ERI1: variants seen among roughly 807,000 people sequenced by gnomAD.
ERI1 encodes exoribonuclease 1.
In ERI1, 39 loss-of-function variants were observed where a neutral mutation model predicts 39.7. The ratio of observed to expected loss-of-function variants is 0.98; its 90% CI spans 0.76 to 1.28. The LOEUF is 1.28. ERI1 is among the 50% of genes most tolerant of loss of function. ERI1 has a pLI of 0.00. For missense variants in ERI1, 581 were observed against 416.9 expected (o/e 1.39, Z -3.43); for synonymous variants, 204 against 149.6 (o/e 1.36, Z -2.65).
intron 3 of ERI1, among the ~76,000 whole-genome samples, chr8:9,083,824 C>T (rs762844295): frequency 9.2e-5 from 14 of 151,816 alleles, no homozygotes; most frequent in East Asian, 2.0e-4. Flanking sequence ...GACAGAGTCT[C>T]GCTCTGTAGC....
At chr8:9,071,606 C>T (rs1799052980) in intron 3 of ERI1, among the ~76,000 whole-genome samples, 1 of 152,240 alleles carries the variant, frequency 6.6e-6, no homozygotes, top group Non-Finnish European at 1.5e-5. Context: ...ATAATTGACT[C>T]CTTTAACTTG....
At chr8:9,060,826 C>G (rs1455061579) in intron 3 of ERI1, among the ~76,000 whole-genome samples, 1 of 152,200 alleles carries the variant, frequency 6.6e-6, no homozygotes, top group East Asian at 1.9e-4. Flanking sequence ...GCAACGGGAT[C>G]TGATGCGTTT....
intron 3 of ERI1, among the ~76,000 whole-genome samples, chr8:9,060,256 C>T (rs1436788056): frequency 6.6e-6 from 1 of 152,120 alleles, no homozygotes; most frequent in Non-Finnish European, 1.5e-5. Context: ...TTATGTCTGA[C>T]AGAAGGGAAG....
intron 2 of ERI1, among the ~76,000 whole-genome samples, chr8:9,009,745 G>T (rs1232535980): frequency 6.6e-6 from 1 of 152,112 alleles, no homozygotes; most frequent in African/African-American, 2.4e-5. Context: ...TCTCCATGTT[G>T]CCCAGGCTGG....
intron 3 of ERI1, chr8:9,048,577 C>G (rs1320826691): frequency 6.5e-6 from 1 of 153,680 alleles, no homozygotes; most frequent in East Asian, 1.9e-4. Context: ...CAGATAACAG[C>G]TGATGTGTGA....
rs1486384528 is a variant in ERI1, at chr8:9,031,132, G to A, written c.*1098G>A. ...AATTTTTCTCCTTGTAGCTTTCAGG[G>A]AACAATTTCATTGACATTGCTTGCT... On this transcript the variant is annotated 3_prime_UTR_variant, in exon 7 of 7. Transcript: ENST00000250263. 1.3e-5 allele frequency: 2 copies of A among 152,034 alleles called. No homozygotes were observed. Among genetic ancestry groups the A allele is most frequent in the Non-Finnish European group, 2.9e-5 (2 of 67,984 alleles). 9.4% of individuals were successfully genotyped at this position (152,034 alleles called of 1,614,324 possible). A position where few individuals can be genotyped will look rare whatever the true frequency, so the allele number is the denominator to read the frequency against.
At chr8:9,034,195 G>C (rs1797762755), downstream of ERI1, among the ~76,000 whole-genome samples, 2 of 152,246 alleles carry the variant, frequency 1.3e-5, no homozygotes, top group African/African-American at 4.8e-5. Context: ...GATGCCCGAG[G>C]CTTTAAACCA....
At chr8:9,037,567 A>T (rs1216734141), downstream of ERI1, among the ~76,000 whole-genome samples, 1 of 151,936 alleles carries the variant, frequency 6.6e-6, no homozygotes, top group East Asian at 1.9e-4. Context: ...CTTGTATCTC[A>T]AGAACCTAAG....
chr8:9,056,705 A>G (rs893465941), intron 3 of ERI1, among the ~76,000 whole-genome samples: 2 of 152,216 alleles, frequency 1.3e-5, no homozygotes, highest in African/African-American at 4.8e-5. Flanking sequence ...ACCTTTACCA[A>G]TGTAGTAGCT....
intron 3 of ERI1, among the ~76,000 whole-genome samples, chr8:9,056,336 G>C (rs970462611): frequency 6.6e-6 from 1 of 152,180 alleles, no homozygotes; most frequent in Non-Finnish European, 1.5e-5. Context: ...CCCCTTATCT[G>C]TTGGGGTAAG....
At chr8:9,047,950 G>C (rs139023508) in intron 3 of ERI1, among the ~76,000 whole-genome samples, 35 of 152,350 alleles carry the variant, frequency 2.3e-4, no homozygotes, top group Non-Finnish European at 2.9e-4. Flanking sequence ...CCAAGAGGGA[G>C]ATTCTGTTAT....
chr8:9,004,750 G>C (rs1304127009), intron 1 of ERI1, among the ~76,000 whole-genome samples: 1 of 53,680 alleles, frequency 1.9e-5, no homozygotes, highest in Non-Finnish European at 3.7e-5. Flanking sequence ...GCAATGGCAT[G>C]GTCTCAGCTT....
chr8:9,003,393 C>G (rs942371539), intron 1 of ERI1, among the ~76,000 whole-genome samples: 3 of 152,214 alleles, frequency 2.0e-5, no homozygotes, highest in African/African-American at 7.2e-5. Flanking sequence ...ATCGTCAAGA[C>G]CAGTTCTGTC....
chr8:9,037,613 G>C (rs1797892971), downstream of ERI1, among the ~76,000 whole-genome samples: 1 of 151,886 alleles, frequency 6.6e-6, no homozygotes, highest in Non-Finnish European at 1.5e-5. Flanking sequence ...AATTAGTGAT[G>C]GTAAAATGTA....
Position 9,030,913 on chromosome 8 carries a change from G to A in ERI1, c.*879G>A, listed in dbSNP as rs531269275. On this transcript the variant is annotated 3_prime_UTR_variant, in exon 7 of 7. Coordinates refer to ENST00000250263, the MANE Select transcript of ERI1 (RefSeq NM_153332.4). ...GTCAATACTTTCTACCATATATTAC[G>A]TTTTTGTTATTAAAAAACTTCATTG... is the stretch of plus-strand genomic sequence containing the variant. 2 of 152,062 alleles carry A rather than the reference G, an allele frequency of 1.3e-5. No homozygotes were observed. The highest frequency in any genetic ancestry group is 4.8e-5 in the African/African-American group (2 of 41,414). The allele number at this position is 152,062 out of a possible 1,614,324, so 9.4% of individuals were successfully genotyped here.
In ERI1 at chr8:9,088,401, C is replaced by T. The variant is rs759030694; in HGVS notation, n.300-27947C>T. On this transcript the variant is annotated intron_variant and non_coding_transcript_variant, in intron 3 of 3. Coordinates refer to the ERI1 transcript ENST00000518663. ...CGCTGAAATTGCATTTACGGTATTCCGTTAGCTCAAGTTGTGCCCATTCTG... is the reference window on the plus strand; with the variant it reads ...CGCTGAAATTGCATTTACGGTATTCTGTTAGCTCAAGTTGTGCCCATTCTG... 5.3e-5 allele frequency: 8 copies of T among 152,222 alleles called. No homozygotes were observed. In the South Asian group the frequency reaches 6.2e-4, roughly 12 times the overall value. The allele number at this position is 152,222 out of a possible 1,614,324, so 9.4% of individuals were successfully genotyped here.
rs3989371 is a variant in ERI1, at chr8:9,049,336, CAAAAAAAAAAAAAAAAA to C, written n.299+28885_299+28901del. Among the ~76,000 whole-genome samples, 26 of 33,246 alleles carry C rather than the reference CAAAAAAAAAAAAAAAAA, an allele frequency of 7.8e-4. No individual in the cohort carries two copies. The South Asian group carries it at 0.047, about 60-fold the overall frequency. The allele number at this position is 33,246 out of a possible 152,430, so 21.8% of individuals were successfully genotyped here. On this transcript the variant is annotated intron_variant and non_coding_transcript_variant, in intron 3 of 3. Coordinates refer to the ERI1 transcript ENST00000518663. ...GGGCGACAGAGTGAGACTCCGTCTCCAAAAAAAAAAAAAAAAAAAAAAAAAAAAAGAGCAACATTAAT... is the reference window on the plus strand; with the variant it reads ...GGGCGACAGAGTGAGACTCCGTCTCCAAAAAAAAAAAAGAGCAACATTAAT...
intron 6 of ERI1, among the ~76,000 whole-genome samples, chr8:9,026,858 T>TAAAA (rs58454617): frequency 2.7e-5 from 4 of 148,326 alleles, no homozygotes; most frequent in African/African-American, 9.9e-5. Flanking sequence ...TGTACCACGT[T>TAAAA]AAAAAAAAAA....
chr8:9,014,827 CTTTTGTTTTG>C (rs111623382), intron 3 of ERI1, among the ~76,000 whole-genome samples: 11 of 151,842 alleles, frequency 7.2e-5, no homozygotes, highest in Non-Finnish European at 1.3e-4. Flanking sequence ...TTCAATTATT[CTTTTGTTTTG>C]TTTTGTTTTG....
Sources: gnomAD v4.1 joint callset for allele counts (sites outside exome capture counted in the v4.1 genomes callset) on GRCh38, gnomAD v4.1.1 for gene constraint, MANE v1.5 for transcripts, NCBI Gene and HGNC (gene_info 2026-07-23, HGNC 2026-07-21) for gene names.